ORC4: variants seen among roughly 807,000 people sequenced by gnomAD.
ORC4 encodes origin recognition complex subunit 4.
In ORC4, 55 loss-of-function variants were observed where a neutral mutation model predicts 63.9. The ratio of observed to expected loss-of-function variants is 0.86; its 90% confidence interval spans 0.69 to 1.08. ORC4 has a LOEUF of 1.08. Among genes scored for constraint, ORC4 ranks in the 50% least tolerant of loss-of-function variants. The pLI is 0.00. For synonymous variants in ORC4, 150 were observed against 168.5 expected, an observed-to-expected ratio of 0.89 and a Z score of 0.85; for missense variants, 511 against 504.4, an observed-to-expected ratio of 1.01 and a Z score of -0.13.
chr2:148,021,507 G>A, upstream of ORC4: 1 of 576,324 alleles, frequency 1.7e-6, no homozygotes. Flanking sequence ...TACTGCTGCT[G>A]CTGCTACTGC....
chr2:147,953,853 C>T (rs1689105616), intron 7 of ORC4, among the ~76,000 whole-genome samples: 2 of 152,028 alleles, frequency 1.3e-5, no homozygotes, highest in African/African-American at 4.8e-5. Context: ...ATAACAAATA[C>T]AGTAGCCTAA....
intron 2 of ORC4, among the ~76,000 whole-genome samples, chr2:147,975,656 C>T (rs1249429585): frequency 6.6e-6 from 1 of 152,082 alleles, no homozygotes; most frequent in Admixed American, 6.6e-5. Flanking sequence ...AGAGAACAAT[C>T]ATAACAACAA....
chr2:147,936,705 T>C (rs187640469), intron 13 of ORC4: 4 of 152,284 alleles, frequency 2.6e-5, no homozygotes, highest in Admixed American at 2.0e-4. Context: ...AATTCAGAAA[T>C]GAGCAGCTAC....
intron 10 of ORC4, among the ~76,000 whole-genome samples, chr2:147,941,716 G>T (rs962787317): frequency 1.3e-5 from 2 of 151,758 alleles, no homozygotes; most frequent in Middle Eastern, 6.8e-3. Flanking sequence ...CAGAACAATG[G>T]CCGTTAATAT....
chr2:147,993,338 A>T (rs1201852873), intron 1 of ORC4, among the ~76,000 whole-genome samples: 1 of 152,314 alleles, frequency 6.6e-6, no homozygotes, highest in African/African-American at 2.4e-5. Context: ...TTAATTAGTA[A>T]ATATTAAACT....
chr2:147,935,872 TATTATC>T (rs1232386384), intron 13 of ORC4, among the ~76,000 whole-genome samples, 174 bp from the exon 14 acceptor site: 1 of 152,128 alleles, frequency 6.6e-6, no homozygotes, highest in Admixed American at 6.6e-5. Context: ...TGAAAACTCA[TATTATC>T]AGGTAAAACA....
chr2:148,013,956 A>G (rs1041179312), intron 1 of ORC4, among the ~76,000 whole-genome samples: 1 of 152,214 alleles, frequency 6.6e-6, no homozygotes, highest in Admixed American at 6.5e-5. Flanking sequence ...CCATACACCA[A>G]GTAACTTTTG....
chr2:148,010,848 CTTTT>C (rs201359357), intron 1 of ORC4, among the ~76,000 whole-genome samples: 7 of 98,526 alleles, frequency 7.1e-5, no homozygotes, highest in East Asian at 3.0e-4. Context: ...CAGATTTATT[CTTTT>C]TTTTTTTTTT....
At chr2:147,990,407 T>C (rs1418554032) in intron 1 of ORC4, among the ~76,000 whole-genome samples, 2 of 152,216 alleles carry the variant, frequency 1.3e-5, no homozygotes, top group African/African-American at 4.8e-5. Context: ...CCCAGTTGGA[T>C]TGTTTGTACA....
At chr2:147,996,514 G>T (rs1482223937) in intron 1 of ORC4, among the ~76,000 whole-genome samples, 2 of 152,010 alleles carry the variant, frequency 1.3e-5, no homozygotes, top group African/African-American at 4.8e-5. Flanking sequence ...AATACACATG[G>T]GGATAAAATA....
chr2:147,989,034 G>A (rs1217218844), intron 1 of ORC4, among the ~76,000 whole-genome samples: 3 of 152,084 alleles, frequency 2.0e-5, no homozygotes, highest in Non-Finnish European at 4.4e-5. Context: ...TATATGTGTT[G>A]ACCTAAAAGG....
At chr2:147,986,005 T>C (rs574856822) in intron 1 of ORC4, among the ~76,000 whole-genome samples, 1 of 152,170 alleles carries the variant, frequency 6.6e-6, no homozygotes, top group Non-Finnish European at 1.5e-5. Flanking sequence ...GAGGAATACA[T>C]TCTGAAAGAA....
intron 7 of ORC4, among the ~76,000 whole-genome samples, chr2:147,953,230 C>A (rs960184639): frequency 1.3e-5 from 2 of 150,052 alleles, no homozygotes; most frequent in Admixed American, 1.3e-4. Context: ...TCTTGAACTG[C>A]GGAGGCAGAG....
rs1247502293 is a variant in ORC4, at chr2:147,932,511, T to C, written c.*2999A>G. 1 of 152,022 alleles carries C rather than the reference T, an allele frequency of 6.6e-6. No individual in the cohort carries two copies. Among genetic ancestry groups the C allele is most frequent in the Non-Finnish European group, 1.5e-5 (1 of 67,968 alleles). 9.4% of individuals were successfully genotyped at this position (152,022 alleles called of 1,614,324 possible). A position where few individuals can be genotyped will look rare whatever the true frequency, so the allele number is the denominator to read the frequency against. ...ACATCGCCAAGGCAATCCTAAGCTA[T>C]GTGTTCTTAAAGAGGGGAGTGGTAG... is the stretch of plus-strand genomic sequence containing the variant. On this transcript the variant is annotated 3_prime_UTR_variant, in exon 14 of 14. Transcript: ENST00000392857.
chr2:147,947,113 T>C (rs904519756), intron 9 of ORC4, among the ~76,000 whole-genome samples: 4 of 152,022 alleles, frequency 2.6e-5, no homozygotes, highest in Non-Finnish European at 5.9e-5. Context: ...AAATACAATC[T>C]ACCACTATTG....
chr2:147,993,857 T>C lies in ORC4; in HGVS notation c.-17-17882A>G, dbSNP rs375128288. ...TAATTGATGATCAACTATGAAGAAA[T>C]AGGCTCAAATACACTGTTTTATTAT... On this transcript the variant is annotated intron_variant, in intron 1 of 13. Coordinates refer to ENST00000392857, the MANE Select transcript of ORC4 (RefSeq NM_181741.4). 7.2e-5 allele frequency among the ~76,000 whole-genome samples: 11 copies of C among 152,282 alleles called. No individual in the cohort carries two copies. In the South Asian group the frequency reaches 1.5e-3, roughly 20 times the overall value.
intron 1 of ORC4, among the ~76,000 whole-genome samples, chr2:147,995,913 T>C (rs1216188030): frequency 6.6e-6 from 1 of 151,200 alleles, no homozygotes; most frequent in Non-Finnish European, 1.5e-5. Context: ...AGCAGGAGAA[T>C]CGCTTGAACC....
intron 1 of ORC4, among the ~76,000 whole-genome samples, chr2:148,006,201 T>A (rs1692618819): frequency 6.6e-6 from 1 of 152,170 alleles, no homozygotes; most frequent in Non-Finnish European, 1.5e-5. Context: ...TATGGGACTT[T>A]GCGCTGGAAC....
chr2:148,002,647 A>G (rs986563450), intron 1 of ORC4, among the ~76,000 whole-genome samples: 4 of 152,206 alleles, frequency 2.6e-5, no homozygotes, highest in Non-Finnish European at 5.9e-5. Flanking sequence ...CTAAATGCCC[A>G]CAGAAGAAAG....
Sources: gnomAD v4.1 joint callset for allele counts (sites outside exome capture counted in the v4.1 genomes callset) on GRCh38, gnomAD v4.1.1 for gene constraint, MANE v1.5 for transcripts, NCBI Gene and HGNC (gene_info 2026-07-23, HGNC 2026-07-21) for gene names.